MYO16: variants seen among roughly 807,000 people sequenced by gnomAD.
MYO16 encodes myosin XVI.
MYO16 carries 94 observed loss-of-function variants against 205.3 expected under a neutral mutation model. The ratio of observed to expected loss-of-function variants is 0.46; its 90% CI spans 0.39 to 0.54. The LOEUF (loss-of-function observed/expected upper bound fraction) is 0.54, where lower values mean the gene tolerates loss of function less well. Among genes scored for constraint, MYO16 ranks in the 20% least tolerant of loss-of-function variants. The pLI, the probability that MYO16 is intolerant of heterozygous loss-of-function variation, is 0.00. For missense variants in MYO16, 2,315 were observed against 2,387.5 expected (o/e 0.97, Z 0.63); for synonymous variants, 988 against 954.0 (o/e 1.04, Z -0.66).
rs142519874 is a variant in MYO16 at position 108,960,440 on chromosome 13, T to C, written c.2038-1099T>C. 2.2e-4 allele frequency among the ~76,000 whole-genome samples: 33 copies of C among 152,280 alleles called. No homozygotes were observed. In the East Asian group the frequency reaches 6.0e-3, roughly 28 times the overall value. On this transcript the variant is annotated intron_variant, in intron 17 of 34. Coordinates refer to ENST00000457511, the MANE Select transcript of MYO16 (RefSeq NM_001198950.3). ...TTATATGTATATCACTTTCATAAAA[T>C]ATTATTATACCTGAAAATTAGAGAT...
At chr13:108,763,485 A>AAG (rs1885676659) in intron 4 of MYO16, among the ~76,000 whole-genome samples, 1 of 152,216 alleles carries the variant, frequency 6.6e-6, no homozygotes, top group South Asian at 2.1e-4. Flanking sequence ...TGTGGTGTTC[A>AAG]GAATGGTGAT....
At chr13:108,622,310 C>T (rs1273350458) in intron 1 of MYO16, among the ~76,000 whole-genome samples, 1 of 152,142 alleles carries the variant, frequency 6.6e-6, no homozygotes, top group Non-Finnish European at 1.5e-5. Context: ...CTAGCTTGTA[C>T]AGAAGAACCC....
intron 11 of MYO16, among the ~76,000 whole-genome samples, chr13:108,858,344 A>T (rs1395441848): frequency 2.0e-5 from 3 of 152,208 alleles, no homozygotes; most frequent in Non-Finnish European, 4.4e-5. Flanking sequence ...CCTTCCCCAC[A>T]AATAGAAAAT....
intron 27 of MYO16, among the ~76,000 whole-genome samples, chr13:109,098,160 C>G (rs566875052): frequency 6.6e-6 from 1 of 152,188 alleles, no homozygotes; most frequent in East Asian, 1.9e-4. Flanking sequence ...TTCTTGTTCT[C>G]TCTATGAACT....
rs761053272 is a variant in MYO16, at chr13:108,898,137, A to C, written c.1777+4A>C. ...AGGAAACAACAGCTAACCGGAGGTA[A>C]GTGCAGTATTTGACAACGTGGATTT... On this transcript the variant is annotated splice_donor_region_variant and intron_variant, in intron 15 of 34. Transcript: ENST00000457511. The C allele has an allele frequency of 1.3e-6, 2 of 1,599,958 alleles. No homozygotes were observed. Among genetic ancestry groups the C allele is most frequent in the Non-Finnish European group, 1.7e-6 (2 of 1,167,160 alleles).
chr13:109,140,475 G>T lies in MYO16; in HGVS notation c.4263G>T (p.Ala1421=), dbSNP rs768889481. Residue 1421 remains alanine (A), a synonymous_variant, in exon 32 of 35, where the codon GCG becomes GCT. Transcript: ENST00000457511. The surrounding 1 kb of genome is among the most constrained non-coding windows in gnomAD (Gnocchi z 8.0). ...PGTPQCALPP[A]APPGDEDDSE... Reference sequence around the variant, plus strand: ...CTCCGCAGTGCGCGCTGCCCCCGGCGGCGCCTCCGGGTGACGAGGACGACA... The same window carrying T: ...CTCCGCAGTGCGCGCTGCCCCCGGCTGCGCCTCCGGGTGACGAGGACGACA... The T allele has an allele frequency of 1.3e-6, 2 of 1,538,184 alleles. No individual in the cohort carries two copies. The highest frequency in any genetic ancestry group is 2.4e-5 in the South Asian group (2 of 84,432).
chr13:109,017,428 T>C (rs890911127), intron 22 of MYO16, among the ~76,000 whole-genome samples: 19 of 152,216 alleles, frequency 1.2e-4, no homozygotes, highest in Non-Finnish European at 2.5e-4. Context: ...TTGGTGAATC[T>C]GACAATTATG....
At chr13:108,796,959 A>T (rs1886812937) in intron 6 of MYO16, among the ~76,000 whole-genome samples, 1 of 152,004 alleles carries the variant, frequency 6.6e-6, no homozygotes, top group African/African-American at 2.4e-5. Flanking sequence ...AAAAAAAAAG[A>T]ACTGACTGAA....
At chr13:109,164,423 G>A (rs188928217) in intron 32 of MYO16, among the ~76,000 whole-genome samples, 1,782 of 152,258 alleles carry the variant, frequency 0.012, 36 homozygotes, top group African/African-American at 0.04. Context: ...TGCGGAAGTC[G>A]AGTATTGAAG....
intron 12 of MYO16, among the ~76,000 whole-genome samples, chr13:108,874,057 G>A (rs1025976725): frequency 6.6e-6 from 1 of 152,200 alleles, no homozygotes; most frequent in African/African-American, 2.4e-5. Flanking sequence ...TGAGCACTGT[G>A]TAGACATGCT....
At chr13:108,723,754 G>T (rs978930210) in intron 3 of MYO16, among the ~76,000 whole-genome samples, 27 of 152,020 alleles carry the variant, frequency 1.8e-4, no homozygotes, top group African/African-American at 6.3e-4. Context: ...GTTAGCTTTA[G>T]TCCATGAATT....
chr13:109,134,616 T>G (rs1876684866), intron 31 of MYO16, among the ~76,000 whole-genome samples: 1 of 152,208 alleles, frequency 6.6e-6, no homozygotes, highest in South Asian at 2.1e-4. Flanking sequence ...CTGCATTGCC[T>G]GGGCAGCATG....
Position 108,950,974 on chromosome 13 carries a change from A to G in MYO16, c.1926-6714A>G, listed in dbSNP as rs998051363. The stretch of plus-strand genomic sequence containing the variant: ...TATTTTTCCCTTTCGAAAAATTTGT[A>G]TTGAGAACTTTATAAACTTGATAAC... On this transcript the variant is annotated intron_variant, in intron 16 of 34. Transcript: ENST00000457511. Among the ~76,000 whole-genome samples the G allele has an allele frequency of 4.6e-5, 7 of 152,244 alleles. No individual in the cohort carries two copies. The South Asian group carries it at 8.3e-4, about 18-fold the overall frequency.
At chr13:108,965,402 T>C (rs1397570020) in intron 20 of MYO16, among the ~76,000 whole-genome samples, 1 of 152,068 alleles carries the variant, frequency 6.6e-6, no homozygotes, top group Non-Finnish European at 1.5e-5. Context: ...ATCCCTAATC[T>C]TTTTTTTATT....
intron 24 of MYO16, among the ~76,000 whole-genome samples, chr13:109,047,607 A>G (rs1887090179): frequency 2.0e-5 from 3 of 152,170 alleles, no homozygotes; most frequent in Admixed American, 2.0e-4. Flanking sequence ...ATTCATACAT[A>G]TATACATAAT....
At chr13:108,621,335 A>G (rs1010065951) in intron 1 of MYO16, among the ~76,000 whole-genome samples, 3 of 151,946 alleles carry the variant, frequency 2.0e-5, no homozygotes, top group African/African-American at 7.3e-5. Context: ...CCCCCCACTT[A>G]TTTGCCGTTT....
chr13:108,714,262 C>A (rs990109257), intron 3 of MYO16, among the ~76,000 whole-genome samples: 5 of 152,040 alleles, frequency 3.3e-5, no homozygotes, highest in African/African-American at 9.7e-5. Flanking sequence ...TCACCATGTT[C>A]GCTAGGATAG....
chr13:108,854,283 C>T (rs562206282), intron 10 of MYO16, among the ~76,000 whole-genome samples: 3 of 152,184 alleles, frequency 2.0e-5, no homozygotes, highest in African/African-American at 7.2e-5. Flanking sequence ...GTGTAAGCCA[C>T]CACACCGGCC....
At chr13:108,879,694 T>C (rs965449298) in intron 12 of MYO16, among the ~76,000 whole-genome samples, 2 of 152,216 alleles carry the variant, frequency 1.3e-5, no homozygotes, top group Non-Finnish European at 2.9e-5. Context: ...CATGAACTCA[T>C]CCTTTTTTAT....
Sources: allele counts gnomAD v4.1 joint callset (sites outside exome capture counted in the v4.1 genomes callset), GRCh38; gene constraint gnomAD v4.1.1; non-coding constraint Gnocchi (gnomAD v3.1); transcripts MANE v1.5; gene names NCBI Gene and HGNC (gene_info 2026-07-23, HGNC 2026-07-21).